The following GALNT18 variants were observed in gnomAD, a reference collection of about 807,000 sequenced individuals.
GALNT18 encodes the protein polypeptide N-acetylgalactosaminyltransferase 18, also known as GalNAc-transferase 18.
Under a neutral mutation model 69.5 loss-of-function variants are expected in GALNT18, and 44 were observed. The ratio of observed to expected loss-of-function variants is 0.63; its 90% CI spans 0.50 to 0.81. GALNT18 has a LOEUF of 0.81. GALNT18 is among the 40% of genes least tolerant of loss of function. The pLI is 0.00. For synonymous variants in GALNT18, 364 were observed against 318.2 expected (o/e 1.14, Z -1.53); for missense variants, 715 against 810.0 (o/e 0.88, Z 1.42).
At chr11:11,302,534 A>G (rs1849515312) in intron 9 of GALNT18, among the ~76,000 whole-genome samples, 1 of 152,064 alleles carries the variant, frequency 6.6e-6, no homozygotes, top group Non-Finnish European at 1.5e-5. Flanking sequence ...TCTCCAGCAA[A>G]GTGCCTTGAC....
At chr11:11,534,853 T>C (rs1857739719) in intron 1 of GALNT18, among the ~76,000 whole-genome samples, 1 of 152,240 alleles carries the variant, frequency 6.6e-6, no homozygotes, top group Admixed American at 6.5e-5. Flanking sequence ...TGGATTCTGT[T>C]GATGTTCCTG....
chr11:11,529,284 C>T (rs562063440), intron 1 of GALNT18, among the ~76,000 whole-genome samples: 86 of 152,302 alleles, frequency 5.6e-4, no homozygotes, highest in Middle Eastern at 3.4e-3. Context: ...AATCAGTAGA[C>T]TGACTATATG....
intron 6 of GALNT18, chr11:11,353,264 C>T (rs1161174393): frequency 1.5e-5 from 15 of 977,510 alleles, no homozygotes; most frequent in African/African-American, 3.3e-5. Flanking sequence ...TGGCCGCTCT[C>T]CCTTCTGCTC....
At chr11:11,330,765 C>T (rs575746938) in intron 8 of GALNT18, among the ~76,000 whole-genome samples, 26 of 152,336 alleles carry the variant, frequency 1.7e-4, no homozygotes, top group African/African-American at 6.3e-4. Flanking sequence ...CTGTTGCACA[C>T]ATGTATAAGA....
intron 6 of GALNT18, chr11:11,353,296 T>C: frequency 5.6e-6 from 4 of 719,288 alleles, no homozygotes; most frequent in Non-Finnish European, 9.1e-6. Context: ...ATGGCGGCGA[T>C]GGAGTGGGGA....
intron 1 of GALNT18, among the ~76,000 whole-genome samples, chr11:11,495,297 T>A (rs184901858): frequency 2.2e-4 from 34 of 152,270 alleles, no homozygotes; most frequent in Non-Finnish European, 3.8e-4. Flanking sequence ...ACATGTTTCT[T>A]TCCGAAGGTA....
intron 10 of GALNT18, among the ~76,000 whole-genome samples, chr11:11,284,908 GTTT>G (rs58795517): frequency 0.2 from 16,384 of 82,906 alleles, 1,501 homozygotes; most frequent in Middle Eastern, 0.3. Flanking sequence ...AGACTTTCGT[GTTT>G]TTTTTTTTTT....
At chr11:11,283,765 AAGAATTT>A (rs1455545958) in intron 10 of GALNT18, among the ~76,000 whole-genome samples, 2 of 152,166 alleles carry the variant, frequency 1.3e-5, no homozygotes, top group Non-Finnish European at 2.9e-5. Flanking sequence ...CTTTTAATTA[AAGAATTT>A]AAGTAAGGGC....
At position 11,366,667 on chromosome 11, in the gene GALNT18, C is replaced by T. The variant is rs552363142; in HGVS notation, c.1092+5848G>A. 2.1e-4 allele frequency among the ~76,000 whole-genome samples: 32 copies of T among 151,644 alleles called. No homozygotes were observed. The East Asian group carries it at 5.7e-3, about 27-fold the overall frequency. ...TCGAAAATATAGATGAAAGGTACTGCCATTGTTATTTAGCTGATATAGAAG... is the reference window on the plus strand; with the variant it reads ...TCGAAAATATAGATGAAAGGTACTGTCATTGTTATTTAGCTGATATAGAAG... On this transcript the variant is annotated intron_variant, in intron 6 of 10. Coordinates refer to ENST00000227756, the MANE Select transcript of GALNT18 (RefSeq NM_198516.3).
chr11:11,405,995 A>G (rs774993380), intron 3 of GALNT18, among the ~76,000 whole-genome samples: 53 of 152,236 alleles, frequency 3.5e-4, no homozygotes, highest in Non-Finnish European at 6.3e-4. Context: ...CAGAAGCCTC[A>G]CATCTCATCT....
chr11:11,379,930 C>T (rs1853868627), intron 3 of GALNT18, among the ~76,000 whole-genome samples: 2 of 152,226 alleles, frequency 1.3e-5, no homozygotes, highest in African/African-American at 4.8e-5. Context: ...TCAGCAGCAG[C>T]CCCCTGAACC....
At position 11,584,222 on chromosome 11, in the gene GALNT18, C is replaced by T. The variant is rs1342430368; in HGVS notation, c.235+37137G>A. On this transcript the variant is annotated intron_variant, in intron 1 of 10. Transcript: ENST00000227756. The surrounding 1 kb of genome is among the most constrained non-coding windows in gnomAD (Gnocchi z 4.1). ...AAATTAGAGCAAAGTGTCCTTCCAG[C>T]AGCTGGGGACAGGAAGCTCGAGGAT... Among the ~76,000 whole-genome samples, 4 of 152,140 alleles carry T rather than the reference C, an allele frequency of 2.6e-5. No homozygotes were observed. Among genetic ancestry groups the T allele is most frequent in the Admixed American group, 2.6e-4 (4 of 15,284 alleles).
rs184410950 is a variant in GALNT18 at position 11,474,852 on chromosome 11, C to G, written c.236-25916G>C. 1.8e-4 allele frequency among the ~76,000 whole-genome samples: 28 copies of G among 152,314 alleles called. 1 individual carries two copies. The highest frequency in any genetic ancestry group is 4.6e-4 in the Admixed American group (7 of 15,306). ...GATAACATATATGTATACATTTAAT[C>G]TATTCTAGAAAACATACTAGAGGAC... On this transcript the variant is annotated intron_variant, in intron 1 of 10. Coordinates refer to ENST00000227756, the MANE Select transcript of GALNT18 (RefSeq NM_198516.3).
intron 10 of GALNT18, among the ~76,000 whole-genome samples, chr11:11,279,161 C>T (rs181185035): frequency 6.6e-6 from 1 of 152,278 alleles, no homozygotes; most frequent in South Asian, 2.1e-4. Flanking sequence ...TCACCACTCT[C>T]TCTCCTCCCT....
At chr11:11,483,583 G>C (rs1440710171) in intron 1 of GALNT18, among the ~76,000 whole-genome samples, 1 of 152,188 alleles carries the variant, frequency 6.6e-6, no homozygotes, top group African/African-American at 2.4e-5. Context: ...CCTGCTCCTG[G>C]CCATCCACAC....
chr11:11,379,578 C>T (rs1853861205), intron 3 of GALNT18, among the ~76,000 whole-genome samples: 1 of 152,214 alleles, frequency 6.6e-6, no homozygotes, highest in Non-Finnish European at 1.5e-5. Flanking sequence ...AAGATTTTAT[C>T]AAGTTCTCCA....
In GALNT18 at chr11:11,586,817, C is replaced by A. The variant is rs931971352; in HGVS notation, c.235+34542G>T. 5.6e-5 allele frequency among the ~76,000 whole-genome samples: 4 copies of A among 71,680 alleles called. No individual in the cohort carries two copies. The highest frequency in any genetic ancestry group is 7.0e-5 in the African/African-American group (2 of 28,412). The allele number at this position is 71,680 out of a possible 152,430, so 47.0% of individuals were successfully genotyped here. The stretch of plus-strand genomic sequence containing the variant: ...GGTTAAACACCATCTCTACTAAAAA[C>A]ACACACACACACACACAAAAAAAAG... On this transcript the variant is annotated intron_variant, in intron 1 of 10. Coordinates refer to ENST00000227756, the MANE Select transcript of GALNT18 (RefSeq NM_198516.3). The surrounding 1 kb of genome is among the most constrained non-coding windows in gnomAD (Gnocchi z 4.1).
chr11:11,392,555 G>T (rs1225435591), intron 3 of GALNT18, among the ~76,000 whole-genome samples: 1 of 152,192 alleles, frequency 6.6e-6, no homozygotes, highest in Non-Finnish European at 1.5e-5. Context: ...GGAGGCGGAG[G>T]TCGTGGTGAG....
At position 11,621,558 on chromosome 11, in the gene GALNT18, G is replaced by A; in HGVS notation, c.36C>T (p.Ser12=). The change falls in exon 1 of 11, where the codon TCC becomes TCT. Residue 12 remains serine, a synonymous_variant. Transcript: ENST00000227756. The surrounding 1 kb of genome is among the most constrained non-coding windows in gnomAD (Gnocchi z 9.3). ...TCATGCCGCTCAGGATCACGCAAGT[G>A]GACACCAAAGTTTTGGTCTTCCTGG... ...VCTRKTKTLV[S]TCVILSGMTN... 1 of 1,612,296 alleles carries A rather than the reference G, an allele frequency of 6.2e-7. No homozygotes were observed. The highest frequency in any genetic ancestry group is 8.5e-7 in the Non-Finnish European group (1 of 1,179,052).
Sources: allele counts gnomAD v4.1 joint callset (sites outside exome capture counted in the v4.1 genomes callset), GRCh38; gene constraint gnomAD v4.1.1; non-coding constraint Gnocchi (gnomAD v3.1); transcripts MANE v1.5; gene names NCBI Gene and HGNC (gene_info 2026-07-23, HGNC 2026-07-21).